SHCBP1L: variants seen among roughly 807,000 people sequenced by gnomAD.
The protein encoded by SHCBP1L is SHC binding and spindle associated 1 like.
Under a neutral mutation model 62.5 loss-of-function variants are expected in SHCBP1L, and 67 were observed. The ratio of observed to expected loss-of-function variants is 1.07; its 90% CI spans 0.88 to 1.31. The LOEUF is 1.31. SHCBP1L is among the 40% of genes most tolerant of loss of function. The pLI, the probability that SHCBP1L is intolerant of heterozygous loss-of-function variation, is 0.00. For synonymous variants in SHCBP1L, 284 were observed against 289.4 expected (o/e 0.98, Z 0.19); for missense variants, 823 against 809.8 (o/e 1.02, Z -0.20).
intron 2 of SHCBP1L, among the ~76,000 whole-genome samples, chr1:182,942,694 A>T (rs1055940469): frequency 1.3e-5 from 2 of 152,246 alleles, no homozygotes; most frequent in Non-Finnish European, 2.9e-5. Context: ...ATTAATACAA[A>T]TTTTAAAATG....
chr1:182,932,092 G>C (rs989191917), intron 5 of SHCBP1L, among the ~76,000 whole-genome samples: 5 of 150,918 alleles, frequency 3.3e-5, no homozygotes, highest in African/African-American at 1.2e-4. Flanking sequence ...TCCATGTCTT[G>C]TCATGGCTTG....
intron 5 of SHCBP1L, among the ~76,000 whole-genome samples, chr1:182,936,130 G>GTTTT (rs71127329): frequency 1.3e-4 from 8 of 63,974 alleles, no homozygotes; most frequent in Non-Finnish European, 2.2e-4. Context: ...TTTGTTTTTT[G>GTTTT]TTTTTTTTTT....
rs201932234 is a variant in SHCBP1L, at chr1:182,904,355, T to C, written c.1412A>G (p.Asn471Ser). 5.3e-5 allele frequency: 85 copies of C among 1,614,162 alleles called. No homozygotes were observed. Among genetic ancestry groups the C allele is most frequent in the South Asian group, 1.6e-4 (15 of 91,088 alleles). Residue 471 changes from asparagine to serine, a missense_variant, in exon 8 of 10, where the codon AAT becomes AGT. Transcript: ENST00000367547. ...CAAAGATAGATGCATTAGTTTCACA[T>C]TGTCAGCTTTGGACACCACAAAACT... ...RDSFVVSKAD[N>S]VKLMHLSLIQ...
At chr1:182,941,822 T>C (rs562896293) in intron 2 of SHCBP1L, among the ~76,000 whole-genome samples, 7 of 152,262 alleles carry the variant, frequency 4.6e-5, no homozygotes, top group Admixed American at 1.3e-4. Context: ...CCCCCACCTA[T>C]GGAATGTTAA....
chr1:182,942,017 G>A (rs1201608660), intron 2 of SHCBP1L: 25 of 910,440 alleles, frequency 2.7e-5, no homozygotes, highest in Admixed American at 2.3e-4. Context: ...TAAAAAACTT[G>A]CATTTACAAA....
chr1:182,903,995 A>G (rs1649921702), intron 8 of SHCBP1L, among the ~76,000 whole-genome samples, 185 bp downstream of exon 8: 1 of 152,116 alleles, frequency 6.6e-6, no homozygotes, highest in South Asian at 2.1e-4. Context: ...TGGACCTAGC[A>G]TTTCATTTTT....
chr1:182,950,131 A>AT (rs1651698482), intron 2 of SHCBP1L, among the ~76,000 whole-genome samples: 1 of 152,172 alleles, frequency 6.6e-6, no homozygotes, highest in Admixed American at 6.5e-5. Context: ...CAGAACACAT[A>AT]TTTTTAAATT....
rs768838268 is a variant in SHCBP1L at position 182,939,503 on chromosome 1, T to A, written c.821A>T (p.Glu274Val). The stretch of plus-strand genomic sequence containing the variant: ...TTCTTCAATAAGTGCAGTATAATTC[T>A]CACAACTTTCTTCATCATCCCAGTC... ...WRDWDDEESCENYTALIEERI... is the reference protein window; with the variant it reads ...WRDWDDEESCVNYTALIEERI... The change falls in exon 4 of 10, where the codon GAG (glutamate) becomes GTG (valine). Residue 274 changes from glutamate (E) to valine (V), a missense_variant. Coordinates refer to ENST00000367547, the MANE Select transcript of SHCBP1L (RefSeq NM_030933.4). 6.2e-7 allele frequency: 1 copy of A among 1,609,180 alleles called. No individual in the cohort carries two copies. The highest frequency in any genetic ancestry group is 8.5e-7 in the Non-Finnish European group (1 of 1,177,914).
intron 2 of SHCBP1L, chr1:182,942,410 G>C: frequency 2.8e-6 from 2 of 711,202 alleles, no homozygotes; most frequent in Non-Finnish European, 5.2e-6. Flanking sequence ...TATCCTGGCG[G>C]CAGGCAGGGC....
rs546654176 is a variant in SHCBP1L, at chr1:182,899,941, C to T, written c.*42G>A. On this transcript the variant is annotated 3_prime_UTR_variant, in exon 10 of 10. Transcript: ENST00000367547. ...TGGGGTATGAGAATCATGTATTAAA[C>T]AAATTTGTGAAATATAAAACTTTAA... 40 of 1,515,138 alleles carry T rather than the reference C, an allele frequency of 2.6e-5. 1 individual carries two copies. In the South Asian group the frequency reaches 5.3e-4, roughly 20 times the overall value. 93.9% of individuals were successfully genotyped at this position (1,515,138 alleles called of 1,614,324 possible). A position where few individuals can be genotyped will look rare whatever the true frequency, so the allele number is the denominator to read the frequency against.
intron 5 of SHCBP1L, among the ~76,000 whole-genome samples, chr1:182,936,678 T>G (rs190000427): frequency 1.5e-3 from 231 of 152,296 alleles, no homozygotes; most frequent in Non-Finnish European, 2.6e-3. Flanking sequence ...TTTATTTCAG[T>G]AATCCATGAG....
intron 2 of SHCBP1L, among the ~76,000 whole-genome samples, chr1:182,944,957 C>CTTTTTTTTTTTTTTTTTTTT (rs11309339): frequency 2.0e-4 from 22 of 109,072 alleles, no homozygotes; most frequent in East Asian, 4.9e-4. Context: ...TTCTTTCTTT[C>CTTTTTTTTTTTTTTTTTTTT]TTTTTTTTTT....
At chr1:182,945,992 G>A (rs1175160516) in intron 2 of SHCBP1L, among the ~76,000 whole-genome samples, 1 of 151,440 alleles carries the variant, frequency 6.6e-6, no homozygotes, top group African/African-American at 2.4e-5. Context: ...CCTGGGAAGT[G>A]GAGGTTGCAG....
chr1:182,930,812 A>T (rs577731376), intron 5 of SHCBP1L, among the ~76,000 whole-genome samples: 1 of 124,688 alleles, frequency 8.0e-6, no homozygotes, highest in Non-Finnish European at 1.6e-5. Flanking sequence ...TGCAGCCTTG[A>T]CCTCCTGGGC....
At chr1:182,938,880 T>C (rs535083353) in intron 5 of SHCBP1L, among the ~76,000 whole-genome samples, 1 of 152,198 alleles carries the variant, frequency 6.6e-6, no homozygotes. Flanking sequence ...ATATTATATA[T>C]AGAGGAGGTC....
rs567801457 is a variant in SHCBP1L at position 182,915,435 on chromosome 1, G to A, written c.1183-9786C>T. On this transcript the variant is annotated intron_variant, in intron 6 of 9. Transcript: ENST00000367547. ...AAACCAAACAACAAGGTCTCAAAAT[G>A]TATGAAGTAAAACATTCACAGAATT... 2.7e-3 allele frequency among the ~76,000 whole-genome samples: 412 copies of A among 152,196 alleles called. 4 individuals carry two copies. Among genetic ancestry groups the A allele is most frequent in the Middle Eastern group, 0.02 (6 of 294 alleles).
intron 2 of SHCBP1L, among the ~76,000 whole-genome samples, chr1:182,948,156 T>G (rs1651623693): frequency 6.6e-6 from 1 of 152,208 alleles, no homozygotes; most frequent in Non-Finnish European, 1.5e-5. Flanking sequence ...ATACACGGAT[T>G]TTTGACTGTG....
chr1:182,934,042 C>G (rs192504410), intron 5 of SHCBP1L, among the ~76,000 whole-genome samples: 67 of 152,152 alleles, frequency 4.4e-4, no homozygotes, highest in Non-Finnish European at 1.2e-4. Context: ...TATGTTTCTG[C>G]TTGAATCATT....
chr1:182,901,957 T>C (rs1298710818), intron 9 of SHCBP1L, among the ~76,000 whole-genome samples: 1 of 152,226 alleles, frequency 6.6e-6, no homozygotes, highest in East Asian at 1.9e-4. Flanking sequence ...ACTGAAAAAC[T>C]GAAAAATATT....
Sources: allele counts gnomAD v4.1 joint callset (sites outside exome capture counted in the v4.1 genomes callset), GRCh38; gene constraint gnomAD v4.1.1; transcripts MANE v1.5; gene names NCBI Gene and HGNC (gene_info 2026-07-23, HGNC 2026-07-21).